Variants in SLC2A11 observed in about 807,000 individuals in gnomAD.
SLC2A11 encodes solute carrier family 2, facilitated glucose transporter member 11.
In SLC2A11, 43 loss-of-function variants were observed where a neutral mutation model predicts 52.1. The ratio of observed to expected loss-of-function variants is 0.82; its 90% CI spans 0.65 to 1.06. SLC2A11 has a LOEUF of 1.06. Among genes scored for constraint, SLC2A11 ranks in the 50% least tolerant of loss-of-function variants. The pLI is 0.00. For missense variants in SLC2A11, 582 were observed against 654.2 expected (o/e 0.89, Z 1.20); for synonymous variants, 261 against 277.6 (o/e 0.94, Z 0.59).
chr22:23,861,843 C>A (rs2032079053), intron 1 of SLC2A11, among the ~76,000 whole-genome samples: 2 of 152,200 alleles, frequency 1.3e-5, no homozygotes, highest in Admixed American at 1.3e-4. Context: ...AACCGCTCTC[C>A]AGCTCAGGGA....
upstream of SLC2A11, chr22:23,857,410 C>G: frequency 1.3e-6 from 2 of 1,598,762 alleles, no homozygotes; most frequent in South Asian, 2.3e-5. Flanking sequence ...GAGCTCCCTT[C>G]CGGCCTGCAG....
intron 2 of SLC2A11, among the ~76,000 whole-genome samples, chr22:23,864,476 G>A (rs2146110068): frequency 6.6e-6 from 1 of 152,146 alleles, no homozygotes; most frequent in South Asian, 2.1e-4. Flanking sequence ...CCACCACCAC[G>A]CCTGGCTAAT....
At chr22:23,866,861 C>T (rs909904841) in intron 2 of SLC2A11, 9 of 152,392 alleles carry the variant, frequency 5.9e-5, no homozygotes, top group Non-Finnish European at 1.3e-4. Context: ...GGAGGCTGCT[C>T]TGAGCTATGA....
rs1365583449 is a variant in SLC2A11 at position 23,884,464 on chromosome 22, A to G, written c.1299+35A>G. ...CCCCTCCCGCTGGGGGCCCTGCCTT[A>G]GGCTGTGTCCCTGTCATCCTGAGAA... is the stretch of plus-strand genomic sequence containing the variant. On this transcript the variant is annotated intron_variant, in intron 11 of 11. Coordinates refer to ENST00000316185, the MANE Select transcript of SLC2A11 (RefSeq NM_001024939.4). The surrounding 1 kb of genome is among the most constrained non-coding windows in gnomAD (Gnocchi z 4.3). 1.2e-6 allele frequency: 2 copies of G among 1,601,490 alleles called. No individual in the cohort carries two copies. Among genetic ancestry groups the G allele is most frequent in the African/African-American group, 2.7e-5 (2 of 74,630 alleles).
At chr22:23,859,773 G>A (rs2031985379) in intron 1 of SLC2A11, among the ~76,000 whole-genome samples, 2 of 152,218 alleles carry the variant, frequency 1.3e-5, no homozygotes, top group African/African-American at 2.4e-5. Context: ...GCAGGTGTGG[G>A]CCACGACATC....
chr22:23,882,589 A>G lies in SLC2A11; in HGVS notation c.825A>G (p.Arg275=), dbSNP rs2032858953. Residue 275 remains arginine (R), a synonymous_variant, in exon 7 of 12, where the codon AGA becomes AGG. Coordinates refer to ENST00000316185, the MANE Select transcript of SLC2A11 (RefSeq NM_001024939.4). ...WELFQHRALR[R]QVTSLVVLGS... is the part of the protein sequence containing the mutation. The stretch of plus-strand genomic sequence containing the variant: ...TGTTCCAGCATCGGGCCCTGAGGAG[A>G]CAGGTGACAAGCCTCGTGGTTCTGG... 2.5e-6 allele frequency: 4 copies of G among 1,613,248 alleles called. No homozygotes were observed. The South Asian group carries it at 4.4e-5, about 18-fold the overall frequency.
At position 23,859,343 on chromosome 22, in the gene SLC2A11, C is replaced by T. The variant is rs573541452; in HGVS notation, c.30+1314C>T. 2.6e-4 allele frequency among the ~76,000 whole-genome samples: 40 copies of T among 152,344 alleles called. No homozygotes were observed. The South Asian group carries it at 7.9e-3, about 30-fold the overall frequency. On this transcript the variant is annotated intron_variant, in intron 1 of 11. Transcript: ENST00000316185. Reference sequence around the variant, plus strand: ...ACCTGTCTCCAGACCTATGGCAAGGCCTTCAGCAGGATTCTGCCCTCCAGA... The same window carrying T: ...ACCTGTCTCCAGACCTATGGCAAGGTCTTCAGCAGGATTCTGCCCTCCAGA...
At chr22:23,878,019 C>A in intron 6 of SLC2A11, 150 bp downstream of exon 6, 2 of 1,001,978 alleles carry the variant, frequency 2.0e-6, no homozygotes, top group Non-Finnish European at 1.4e-6. Context: ...CTATACCTGC[C>A]TTCAATCAGA....
chr22:23,858,061 G>T, intron 1 of SLC2A11, 32 bp downstream of exon 1: 5 of 1,552,962 alleles, frequency 3.2e-6, no homozygotes, highest in Non-Finnish European at 4.4e-6. Context: ...CAGACCAGGC[G>T]TTTCAGATGA....
In SLC2A11 at chr22:23,877,023, C is replaced by T. The variant is rs375038404; in HGVS notation, c.416-19C>T. 3.8e-5 allele frequency: 61 copies of T among 1,613,702 alleles called. No individual in the cohort carries two copies. The highest frequency in any genetic ancestry group is 2.0e-4 in the Admixed American group (12 of 59,974). On this transcript the variant is annotated intron_variant, in intron 4 of 11. Transcript: ENST00000316185. Reference sequence around the variant, plus strand: ...GTCCCAGCTGGTGGCTGACGTGCCTCTGCTGTGCACACGTCCAGGTGTGAG... The same window carrying T: ...GTCCCAGCTGGTGGCTGACGTGCCTTTGCTGTGCACACGTCCAGGTGTGAG...
At chr22:23,863,245 C>A (rs1030315909) in intron 2 of SLC2A11, among the ~76,000 whole-genome samples, 2 of 152,166 alleles carry the variant, frequency 1.3e-5, no homozygotes, top group Non-Finnish European at 2.9e-5. Flanking sequence ...TTCTTGAAAC[C>A]TTTTTGCCTC....
intron 1 of SLC2A11, among the ~76,000 whole-genome samples, chr22:23,860,114 T>C (rs917952779): frequency 2.6e-5 from 4 of 152,238 alleles, no homozygotes; most frequent in African/African-American, 9.6e-5. Flanking sequence ...CGTGTCATTT[T>C]GTAATTAAAA....
In SLC2A11 at chr22:23,883,783, C is replaced by A; in HGVS notation, c.1005C>A (p.Ile335=). 2 of 1,537,758 alleles carry A rather than the reference C, an allele frequency of 1.3e-6. No individual in the cohort carries two copies. Among genetic ancestry groups the A allele is most frequent in the Non-Finnish European group, 1.7e-6 (2 of 1,145,900 alleles). Residue 335 remains isoleucine (I), a synonymous_variant, in exon 9 of 12, where the codon ATC becomes ATA. Transcript: ENST00000316185. ...TTCTGCCTTTGCAGTGTGTGGTAAT[C>A]GAGAGGGTGGGTCGGCGCGTGCTGC... ...LLTAVVSCVV[I]ERVGRRVLLI...
rs759863455 is a variant in SLC2A11 at position 23,882,453 on chromosome 22, G to GCTCAGC, written c.695-5_695dup. 2 of 1,530,580 alleles carry GCTCAGC rather than the reference G, an allele frequency of 1.3e-6. No homozygotes were observed. The highest frequency in any genetic ancestry group is 1.8e-6 in the Non-Finnish European group (2 of 1,140,400). The allele number at this position is 1,530,580 out of a possible 1,614,324, so 94.8% of individuals were successfully genotyped here. The stretch of plus-strand genomic sequence containing the variant: ...GGGGAGCTCAGTACCCTCCTCCCTG[G>GCTCAGC]CTCAGCACTACGGCGGCTCCGGGGC... On this transcript the variant is annotated splice_polypyrimidine_tract_variant and splice_region_variant and intron_variant, in intron 6 of 11. Transcript: ENST00000316185.
chr22:23,882,418 G>T (rs964468205), intron 6 of SLC2A11, 41 bp from the exon 7 acceptor site: 37 of 1,474,338 alleles, frequency 2.5e-5, no homozygotes, highest in Non-Finnish European at 3.0e-5. Flanking sequence ...CCAAAGAGGG[G>T]CTTGGGGACG....
chr22:23,863,737 C>T (rs866289017), intron 2 of SLC2A11, among the ~76,000 whole-genome samples: 1 of 151,616 alleles, frequency 6.6e-6, no homozygotes, highest in African/African-American at 2.4e-5. Context: ...AAGCGATCCT[C>T]CTACCTCAGC....
chr22:23,879,597 A>T (rs779928843), intron 6 of SLC2A11: 1 of 152,004 alleles, frequency 6.6e-6, no homozygotes. Flanking sequence ...CCCATTTCCA[A>T]CCTGGGCCAG....
intron 3 of SLC2A11, chr22:23,869,839 TGTCCCTGTGTCCTCACATGGCA>T (rs541410616): frequency 5.5e-4 from 329 of 595,868 alleles, no homozygotes; most frequent in African/African-American, 4.7e-3. Flanking sequence ...GATGGTGCCT[TGTCCCTGTGTCCTCACATGGCA>T]GAAAGGGCGA....
At chr22:23,869,803 G>A (rs939483001) in intron 3 of SLC2A11, 15 of 564,648 alleles carry the variant, frequency 2.7e-5, no homozygotes, top group East Asian at 5.9e-5. Context: ...GCAGTGTACC[G>A]TGAGGGCTAC....
Sources: allele counts gnomAD v4.1 joint callset (sites outside exome capture counted in the v4.1 genomes callset), GRCh38; gene constraint gnomAD v4.1.1; non-coding constraint Gnocchi (gnomAD v3.1); transcripts MANE v1.5; gene names NCBI Gene and HGNC (gene_info 2026-07-23, HGNC 2026-07-21).